Variants in ELN observed in about 807,000 individuals in gnomAD.
The protein encoded by ELN is elastin.
A neutral mutation model predicts 105.8 loss-of-function variants in ELN; 65 were observed. That is an observed-to-expected ratio of 0.61 (90% CI 0.50 to 0.75). The LOEUF is 0.75. Ranked by LOEUF, ELN falls within the 30% of genes least tolerant of loss-of-function variation. The probability of loss-of-function intolerance (pLI) is 0.00; values close to 1 mark genes in which losing one functional copy is unlikely to be tolerated. For synonymous variants in ELN, 368 were observed against 389.2 expected (o/e 0.95, Z 0.64); for missense variants, 882 against 969.4 (o/e 0.91, Z 1.20).
intron 32 of ELN, among the ~76,000 whole-genome samples, chr7:74,067,456 C>T (rs1441400710): frequency 6.6e-6 from 1 of 150,640 alleles, no homozygotes; most frequent in African/African-American, 2.4e-5. Flanking sequence ...TTAGTAGAGA[C>T]GGGGTTTCAC....
In ELN at chr7:74,051,809, G is replaced by A. The variant is rs782644201; in HGVS notation, c.859G>A (p.Gly287Arg). Residue 287 changes from glycine (G) to arginine (R), a missense_variant, in exon 16 of 33, where the codon GGG (glycine) becomes AGG (arginine). Transcript: ENST00000252034. ...VGGAGVPGVP[G>R]AIPGIGGIAG... ...AGGGGCTGGTGTTCCTGGCGTGCCT[G>A]GGGCAATTCCTGGAATTGGAGGCAT... The A allele has an allele frequency of 1.9e-6, 3 of 1,614,224 alleles. No individual in the cohort carries two copies. Among genetic ancestry groups the A allele is most frequent in the Non-Finnish European group, 2.5e-6 (3 of 1,180,030 alleles).
At chr7:74,043,639 C>T (rs1168113504) in intron 8 of ELN, 10 of 644,868 alleles carry the variant, frequency 1.6e-5, no homozygotes, top group Non-Finnish European at 2.5e-5. Context: ...GGTGGGCTGG[C>T]CCAGCCATGT....
At position 74,063,273 on chromosome 7, in the gene ELN, T is replaced by C; in HGVS notation, c.1859-37T>C. The C allele has an allele frequency of 3.2e-6, 5 of 1,580,336 alleles. No homozygotes were observed. The highest frequency in any genetic ancestry group is 4.3e-6 in the Non-Finnish European group (5 of 1,163,780). On this transcript the variant is annotated intron_variant, in intron 27 of 32. Transcript: ENST00000252034. The surrounding 1 kb of genome is among the most constrained non-coding windows in gnomAD (Gnocchi z 4.1). The stretch of plus-strand genomic sequence containing the variant: ...CAGGGTGGGGAGGGAATCTAACCAG[T>C]ACAGAGTGCCTCCCTGAACTCGGTC...
At chr7:74,056,756 G>T (rs546832102) in intron 21 of ELN, 43 bp downstream of exon 21, 3 of 1,612,636 alleles carry the variant, frequency 1.9e-6, no homozygotes, top group Non-Finnish European at 1.7e-6. Context: ...CTGCTCTCCC[G>T]CGGGGCTCAG....
rs561029698 is a variant in ELN at position 74,052,203 on chromosome 7, C to G, written c.949+220C>G. The G allele has an allele frequency of 2.5e-5, 15 of 596,044 alleles. No homozygotes were observed. In the South Asian group the frequency reaches 2.8e-4, roughly 11 times the overall value. 36.9% of individuals were successfully genotyped at this position (596,044 alleles called of 1,614,324 possible). A position where few individuals can be genotyped will look rare whatever the true frequency, so the allele number is the denominator to read the frequency against. ...GAGGGAGGGGACCCTGCAGAGGGGA[C>G]ATGGCTCCTCCCACTCCATCCCCTC... On this transcript the variant is annotated intron_variant, in intron 17 of 32. Transcript: ENST00000252034.
At position 74,042,598 on chromosome 7, in the gene ELN, A is replaced by AT; in HGVS notation, c.233-15dup. Reference sequence around the variant, plus strand: ...GTGTGGTAGCTCAGGACCTCACCCCATCCTCCCCTCCGCAGGGCTCGGCGC... The same window carrying AT: ...GTGTGGTAGCTCAGGACCTCACCCCATTCCTCCCCTCCGCAGGGCTCGGCGC... On this transcript the variant is annotated splice_polypyrimidine_tract_variant and intron_variant, in intron 5 of 32. Transcript: ENST00000252034. 1 of 1,611,884 alleles carries AT rather than the reference A, an allele frequency of 6.2e-7. No homozygotes were observed. Among genetic ancestry groups the AT allele is most frequent in the Non-Finnish European group, 8.5e-7 (1 of 1,179,624 alleles).
chr7:74,065,235 C>T (rs1198360052), intron 29 of ELN, among the ~76,000 whole-genome samples: 1 of 151,546 alleles, frequency 6.6e-6, no homozygotes, highest in African/African-American at 2.4e-5. Context: ...GGCAACAGAG[C>T]AAGAAGCTGG....
intron 4 of ELN, 178 bp downstream of exon 4, chr7:74,037,917 GT>G: frequency 1.2e-6 from 1 of 867,322 alleles, no homozygotes; most frequent in Non-Finnish European, 1.8e-6. Context: ...CCGGGGCCAG[GT>G]CCCAGGGCTT....
chr7:74,059,135 T>C (rs1473704879), intron 22 of ELN, among the ~76,000 whole-genome samples: 4 of 152,016 alleles, frequency 2.6e-5, no homozygotes, highest in African/African-American at 9.7e-5. Context: ...CCTCTCAAAG[T>C]GCTGGGATGA....
chr7:74,055,776 C>T (rs1330343125), intron 19 of ELN, among the ~76,000 whole-genome samples: 7 of 148,910 alleles, frequency 4.7e-5, no homozygotes, highest in Admixed American at 2.0e-4. Context: ...CCACTGCACC[C>T]GGCCAAAAAA....
chr7:74,046,075 C>A lies in ELN; in HGVS notation c.542-113C>A, dbSNP rs538127673. ...CCAGAGTTCATGTGAGCGCAGCATG[C>A]GATGACTGGTCTGGGAAGAACTGGC... On this transcript the variant is annotated intron_variant, in intron 10 of 32. Coordinates refer to ENST00000252034, the MANE Select transcript of ELN (RefSeq NM_000501.4). 9 of 1,421,998 alleles carry A rather than the reference C, an allele frequency of 6.3e-6. No homozygotes were observed. The East Asian group carries it at 1.8e-4, about 29-fold the overall frequency. The allele number at this position is 1,421,998 out of a possible 1,614,324, so 88.1% of individuals were successfully genotyped here. A position where few individuals can be genotyped will look rare whatever the true frequency, so the allele number is the denominator to read the frequency against.
intron 13 of ELN, 41 bp downstream of exon 13, chr7:74,047,757 C>T: frequency 1.1e-5 from 18 of 1,613,736 alleles, no homozygotes; most frequent in Non-Finnish European, 1.4e-5. Context: ...CCAGCTCTTT[C>T]CCTCTCCAGG....
chr7:74,044,019 G>A, intron 9 of ELN, 99 bp downstream of exon 9: 1 of 1,513,008 alleles, frequency 6.6e-7, no homozygotes, highest in African/African-American at 1.4e-5. Flanking sequence ...ACTGAGGCAG[G>A]AGGATGGCTT....
At chr7:74,043,259 G>A (rs557071009) in intron 8 of ELN, 91 bp downstream of exon 8, 137 of 1,522,552 alleles carry the variant, frequency 9.0e-5, no homozygotes, top group Non-Finnish European at 1.2e-4. Flanking sequence ...CACTGCACTT[G>A]GGGAGGAAGG....
rs1790300203 is a variant in ELN at position 74,037,702 on chromosome 7, T to C, written c.164-5T>C. On this transcript the variant is annotated splice_region_variant and splice_polypyrimidine_tract_variant and intron_variant, in intron 3 of 32. Coordinates refer to ENST00000252034, the MANE Select transcript of ELN (RefSeq NM_000501.4). ...CCCATTCACTATCTTCTCTTCCCTC[T>C]GCAGCGCTGGGGCCTGGAGGCAAAC... is the stretch of plus-strand genomic sequence containing the variant. The C allele has an allele frequency of 6.2e-7, 1 of 1,611,992 alleles. No homozygotes were observed. Among genetic ancestry groups the C allele is most frequent in the Non-Finnish European group, 8.5e-7 (1 of 1,179,248 alleles).
At chr7:74,033,854 G>C (rs1468013034) in intron 1 of ELN, among the ~76,000 whole-genome samples, 4 of 152,218 alleles carry the variant, frequency 2.6e-5, no homozygotes, top group African/African-American at 9.6e-5. Flanking sequence ...GGGAGGGCTG[G>C]GCTGGGGCGT....
intron 32 of ELN, 88 bp downstream of exon 32, chr7:74,066,864 G>GCCCTT: frequency 1.4e-6 from 2 of 1,438,108 alleles, no homozygotes; most frequent in Non-Finnish European, 1.9e-6. Context: ...GCTCAGAAGG[G>GCCCTT]CTGAGCCAGC....
chr7:74,068,757 A>G lies in ELN; in HGVS notation c.*57A>G. 6.2e-7 allele frequency: 1 copy of G among 1,602,490 alleles called. No individual in the cohort carries two copies. The highest frequency in any genetic ancestry group is 8.5e-7 in the Non-Finnish European group (1 of 1,169,652). On this transcript the variant is annotated 3_prime_UTR_variant, in exon 33 of 33. Coordinates refer to ENST00000252034, the MANE Select transcript of ELN (RefSeq NM_000501.4). ...CAACGTTGGTGCTACTGCTTGGTGG[A>G]GAATGTAAACCCTTTGTAACCCCAT...
chr7:74,043,304 C>A, intron 8 of ELN, 136 bp downstream of exon 8: 2 of 1,306,924 alleles, frequency 1.5e-6, no homozygotes, highest in Non-Finnish European at 1.1e-6. Context: ...GAGAAACTAG[C>A]CAGGCTGGTG....
Sources: gnomAD v4.1 joint callset for allele counts (sites outside exome capture counted in the v4.1 genomes callset) on GRCh38, gnomAD v4.1.1 for gene constraint, Gnocchi (gnomAD v3.1) non-coding constraint, MANE v1.5 for transcripts, NCBI Gene and HGNC (gene_info 2026-07-23, HGNC 2026-07-21) for gene names.